KCNQ5: variants seen among roughly 807,000 people sequenced by gnomAD.
KCNQ5 encodes potassium voltage-gated channel subfamily Q member 5.
KCNQ5 carries 30 observed loss-of-function variants against 98.2 expected under a neutral mutation model. The observed-to-expected ratio is 0.31, with a 90% CI of 0.23 to 0.41. KCNQ5 has a LOEUF of 0.41. KCNQ5 is among the 10% of genes least tolerant of loss of function. The pLI, the probability that KCNQ5 is intolerant of heterozygous loss-of-function variation, is 1.00. For synonymous variants in KCNQ5, 458 were observed against 449.4 expected (o/e 1.02, Z -0.24); for missense variants, 835 against 1,182.5 (o/e 0.71, Z 4.31).
intron 1 of KCNQ5, among the ~76,000 whole-genome samples, chr6:72,922,381 A>G (rs566198375): frequency 6.6e-6 from 1 of 152,322 alleles, no homozygotes; most frequent in Non-Finnish European, 1.5e-5. Context: ...AATCAAGATA[A>G]TTAACATATC....
intron 1 of KCNQ5, among the ~76,000 whole-genome samples, chr6:72,922,758 A>G (rs941710841): frequency 1.3e-5 from 2 of 149,652 alleles, no homozygotes; most frequent in African/African-American, 4.9e-5. Flanking sequence ...TTAAGGCTTA[A>G]TAATATTTCA....
chr6:72,953,242 A>T (rs971878011), intron 1 of KCNQ5, among the ~76,000 whole-genome samples: 2 of 152,236 alleles, frequency 1.3e-5, no homozygotes, highest in African/African-American at 4.8e-5. Context: ...TGTTTTTAAA[A>T]TGTGATTAAT....
chr6:73,054,714 A>G (rs140711602), intron 3 of KCNQ5, among the ~76,000 whole-genome samples: 52 of 152,360 alleles, frequency 3.4e-4, no homozygotes, highest in African/African-American at 1.2e-3. Context: ...AGAGCCATCT[A>G]TAAGAAACTC....
chr6:73,101,628 A>G (rs1774777479), intron 5 of KCNQ5, among the ~76,000 whole-genome samples: 1 of 152,224 alleles, frequency 6.6e-6, no homozygotes, highest in Non-Finnish European at 1.5e-5. Context: ...TCTGAAAAAG[A>G]AATTGAGAAA....
At chr6:72,795,779 C>T (rs1473369194) in intron 1 of KCNQ5, among the ~76,000 whole-genome samples, 1 of 152,124 alleles carries the variant, frequency 6.6e-6, no homozygotes, top group African/African-American at 2.4e-5. Context: ...ATCTGATTTT[C>T]CCCATCCCAG....
chr6:72,750,896 A>T (rs1771646009), intron 1 of KCNQ5, among the ~76,000 whole-genome samples: 1 of 151,994 alleles, frequency 6.6e-6, no homozygotes, highest in Non-Finnish European at 1.5e-5. Flanking sequence ...CATTCCTTTG[A>T]CATACTTAAT....
rs1278219746 is a variant in KCNQ5 at position 73,196,566 on chromosome 6, G to T, written c.*1152G>T. On this transcript the variant is annotated 3_prime_UTR_variant, in exon 14 of 14. Coordinates refer to ENST00000370398, the MANE Select transcript of KCNQ5 (RefSeq NM_019842.4). ...TATATAAGCAGAGAATTTTTGCAAGGTATTTATTTTTTAATATGCCCTGAA... is the reference window on the plus strand; with the variant it reads ...TATATAAGCAGAGAATTTTTGCAAGTTATTTATTTTTTAATATGCCCTGAA... 1.3e-5 allele frequency: 2 copies of T among 152,072 alleles called. No homozygotes were observed. The highest frequency in any genetic ancestry group is 2.9e-5 in the Non-Finnish European group (2 of 68,010). The allele number at this position is 152,072 out of a possible 1,614,324, so 9.4% of individuals were successfully genotyped here. A position where few individuals can be genotyped will look rare whatever the true frequency, so the allele number is the denominator to read the frequency against.
At chr6:72,706,968 G>A (rs1195980382) in intron 1 of KCNQ5, among the ~76,000 whole-genome samples, 2 of 151,992 alleles carry the variant, frequency 1.3e-5, no homozygotes, top group African/African-American at 4.8e-5. Flanking sequence ...ATACTTTTAA[G>A]GAAAATTCAT....
intron 1 of KCNQ5, among the ~76,000 whole-genome samples, chr6:72,752,155 G>A (rs1771718931): frequency 6.6e-6 from 1 of 152,016 alleles, no homozygotes; most frequent in South Asian, 2.1e-4. Flanking sequence ...TCAGGTGCTG[G>A]GTGTAAGGGC....
rs577970688 is a variant in KCNQ5 at position 72,940,578 on chromosome 6, T to C, written c.399-63330T>C. ...CCAGCTGTCAGTCAACACTACCAGATGCGGACAGAGATGGCTTTAATGTGT... is the reference window on the plus strand; with the variant it reads ...CCAGCTGTCAGTCAACACTACCAGACGCGGACAGAGATGGCTTTAATGTGT... On this transcript the variant is annotated intron_variant, in intron 1 of 13. Transcript: ENST00000370398. Among the ~76,000 whole-genome samples the C allele has an allele frequency of 3.3e-5, 5 of 152,318 alleles. No individual in the cohort carries two copies. The South Asian group carries it at 1.0e-3, about 32-fold the overall frequency.
intron 1 of KCNQ5, among the ~76,000 whole-genome samples, chr6:72,738,929 A>AT (rs1256620042): frequency 2.6e-5 from 4 of 152,130 alleles, no homozygotes; most frequent in Non-Finnish European, 4.4e-5. Context: ...AACCCGGAGG[A>AT]TTTTTAGGGC....
chr6:72,862,893 G>T (rs1301913033), intron 1 of KCNQ5, among the ~76,000 whole-genome samples: 5 of 152,078 alleles, frequency 3.3e-5, no homozygotes, highest in Non-Finnish European at 7.4e-5. Context: ...ATCCCAAAGT[G>T]CAGGAATTAT....
intron 1 of KCNQ5, among the ~76,000 whole-genome samples, chr6:72,885,181 C>T (rs964414708): frequency 2.6e-5 from 4 of 152,174 alleles, no homozygotes; most frequent in Non-Finnish European, 2.9e-5. Flanking sequence ...TTGTCAGCTT[C>T]ATAAGTGCAG....
At chr6:72,977,416 C>G (rs1237234638) in intron 1 of KCNQ5, among the ~76,000 whole-genome samples, 1 of 152,134 alleles carries the variant, frequency 6.6e-6, no homozygotes, top group African/African-American at 2.4e-5. Context: ...GAAGGTCTAT[C>G]TGGAGAAATG....
At chr6:72,857,064 A>G (rs1245886953) in intron 1 of KCNQ5, among the ~76,000 whole-genome samples, 1 of 152,248 alleles carries the variant, frequency 6.6e-6, no homozygotes, top group Non-Finnish European at 1.5e-5. Context: ...CCACTAGGGA[A>G]ATATCACAGG....
intron 1 of KCNQ5, among the ~76,000 whole-genome samples, chr6:72,937,247 G>T (rs1004385793): frequency 6.6e-6 from 1 of 152,108 alleles, no homozygotes; most frequent in Non-Finnish European, 1.5e-5. Flanking sequence ...GGGAAAGCAG[G>T]ACTTGCTCCT....
chr6:72,940,184 A>G (rs900551131), intron 1 of KCNQ5, among the ~76,000 whole-genome samples: 2 of 152,180 alleles, frequency 1.3e-5, no homozygotes, highest in Non-Finnish European at 2.9e-5. Flanking sequence ...ATTGAGAGGT[A>G]GAGATTTGAA....
At chr6:73,124,656 C>A (rs529080961) in intron 9 of KCNQ5, 144 bp downstream of exon 9, 1 of 762,048 alleles carries the variant, frequency 1.3e-6, no homozygotes, top group Non-Finnish European at 2.3e-6. Flanking sequence ...GCAAAGATTG[C>A]TATTTTATTG....
At chr6:72,662,850 T>C (rs911608977) in intron 1 of KCNQ5, among the ~76,000 whole-genome samples, 4 of 152,302 alleles carry the variant, frequency 2.6e-5, no homozygotes, top group South Asian at 4.1e-4. Flanking sequence ...TCTAGAATAA[T>C]TGCTGATTAA....
Sources: allele counts gnomAD v4.1 joint callset (sites outside exome capture counted in the v4.1 genomes callset), GRCh38; gene constraint gnomAD v4.1.1; transcripts MANE v1.5; gene names NCBI Gene and HGNC (gene_info 2026-07-23, HGNC 2026-07-21).